Variants in RASAL2 observed in about 807,000 individuals in gnomAD.
RASAL2 encodes RAS protein activator like 2, also known as ras GTPase-activating protein nGAP.
Under a neutral mutation model 128.9 loss-of-function variants are expected in RASAL2, and 58 were observed. The observed-to-expected ratio is 0.45, with a 90% confidence interval of 0.36 to 0.56. RASAL2 has a LOEUF of 0.56. Among genes scored for constraint, RASAL2 ranks in the 20% least tolerant of loss-of-function variants. The probability of loss-of-function intolerance (pLI) is 0.00; values close to 1 mark genes in which losing one functional copy is unlikely to be tolerated. For synonymous variants in RASAL2, 561 were observed against 580.8 expected (o/e 0.97, Z 0.49); for missense variants, 1,360 against 1,601.6 (o/e 0.85, Z 2.57).
chr1:178,354,355 C>T (rs1275501181), intron 3 of RASAL2, among the ~76,000 whole-genome samples: 1 of 152,142 alleles, frequency 6.6e-6, no homozygotes, highest in Non-Finnish European at 1.5e-5. Context: ...TTTCTTTACT[C>T]TGATTAGTGA....
At chr1:178,291,134 A>G (rs970357427) in intron 2 of RASAL2, among the ~76,000 whole-genome samples, 15 of 152,212 alleles carry the variant, frequency 9.9e-5, no homozygotes, top group African/African-American at 3.6e-4. Context: ...ATGAGGAGAA[A>G]AAGAAGGGAA....
intron 5 of RASAL2, among the ~76,000 whole-genome samples, chr1:178,427,631 A>T (rs541777596): frequency 6.6e-6 from 1 of 152,274 alleles, no homozygotes; most frequent in African/African-American, 2.4e-5. Flanking sequence ...CAAAAATAGT[A>T]CATACAGTTC....
intron 11 of RASAL2, among the ~76,000 whole-genome samples, chr1:178,453,232 G>A (rs1483113991): frequency 6.6e-6 from 1 of 151,954 alleles, no homozygotes; most frequent in African/African-American, 2.4e-5. Flanking sequence ...GGGGGCAATG[G>A]GTGGAATTTA....
At chr1:178,318,246 G>C (rs1306600916) in intron 3 of RASAL2, among the ~76,000 whole-genome samples, 1 of 148,400 alleles carries the variant, frequency 6.7e-6, no homozygotes, top group South Asian at 2.2e-4. Context: ...GTGTGGTGTG[G>C]TGCTGAAAAA....
chr1:178,296,145 A>C (rs571823897), intron 2 of RASAL2, among the ~76,000 whole-genome samples: 3 of 127,986 alleles, frequency 2.3e-5, no homozygotes, highest in African/African-American at 1.4e-4. Context: ...ATGTGTGTGT[A>C]TATATGTGTA....
intron 6 of RASAL2, among the ~76,000 whole-genome samples, chr1:178,439,851 CA>C (rs1440510368): frequency 6.6e-6 from 1 of 152,062 alleles, no homozygotes; most frequent in African/African-American, 2.4e-5. Context: ...ACAAGACTAA[CA>C]ATAACATTAC....
At chr1:178,445,728 T>G in intron 9 of RASAL2, 66 bp downstream of exon 9, 2 of 1,452,128 alleles carry the variant, frequency 1.4e-6, no homozygotes, top group Non-Finnish European at 1.8e-6. Flanking sequence ...TTCACCCCCA[T>G]GAGACGAATT....
At chr1:178,454,749 C>G in intron 12 of RASAL2, 101 bp downstream of exon 12, 1 of 976,106 alleles carries the variant, frequency 1.0e-6, no homozygotes, top group Admixed American at 2.4e-5. Context: ...TTGAAAGCAA[C>G]TGTTTACCCT....
intron 1 of RASAL2, among the ~76,000 whole-genome samples, chr1:178,209,231 C>G (rs1210883524): frequency 6.6e-6 from 1 of 152,074 alleles, no homozygotes; most frequent in East Asian, 1.9e-4. Context: ...GTTGGTTGCT[C>G]TCTAGACCTG....
At chr1:178,450,078 T>C (rs867755092) in intron 9 of RASAL2, among the ~76,000 whole-genome samples, 2 of 152,152 alleles carry the variant, frequency 1.3e-5, no homozygotes, top group African/African-American at 2.4e-5. Flanking sequence ...GAGAACATAT[T>C]GACTACATAT....
chr1:178,288,887 G>A (rs780367859), intron 2 of RASAL2, among the ~76,000 whole-genome samples: 1 of 151,820 alleles, frequency 6.6e-6, no homozygotes, highest in Non-Finnish European at 1.5e-5. Flanking sequence ...CTCACCTCAG[G>A]TGATCCACCC....
chr1:178,319,773 T>G (rs1302702709), intron 3 of RASAL2, among the ~76,000 whole-genome samples: 1 of 152,198 alleles, frequency 6.6e-6, no homozygotes. Context: ...TTTGATCGTC[T>G]GAAGCCTTCT....
chr1:178,237,957 A>G (rs556747508), intron 1 of RASAL2, among the ~76,000 whole-genome samples: 1 of 152,336 alleles, frequency 6.6e-6, no homozygotes, highest in South Asian at 2.1e-4. Flanking sequence ...AGTACCTCAT[A>G]TAAGTGGAAT....
At chr1:178,239,322 A>C (rs1664392324) in intron 1 of RASAL2, among the ~76,000 whole-genome samples, 2 of 152,072 alleles carry the variant, frequency 1.3e-5, no homozygotes, top group African/African-American at 4.8e-5. Flanking sequence ...CATAAGAGTT[A>C]CTGTCAGCAT....
At chr1:178,351,548 A>C (rs190984624) in intron 3 of RASAL2, among the ~76,000 whole-genome samples, 2 of 152,106 alleles carry the variant, frequency 1.3e-5, no homozygotes, top group African/African-American at 4.8e-5. Flanking sequence ...TGGCTAACAC[A>C]GTGAAACCCC....
chr1:178,126,597 G>T (rs539463968), intron 1 of RASAL2, among the ~76,000 whole-genome samples: 12 of 152,158 alleles, frequency 7.9e-5, no homozygotes, highest in African/African-American at 2.4e-4. Flanking sequence ...TATTAAAATT[G>T]TCTCACTTAT....
chr1:178,323,570 G>T (rs910804742), intron 3 of RASAL2, among the ~76,000 whole-genome samples: 2 of 152,314 alleles, frequency 1.3e-5, no homozygotes, highest in East Asian at 3.9e-4. Context: ...CATTGTCCAA[G>T]TTAACAAGTC....
At chr1:178,457,497 A>G (rs938509996) in intron 13 of RASAL2, among the ~76,000 whole-genome samples, 186 bp from the exon 14 acceptor site, 1 of 152,220 alleles carries the variant, frequency 6.6e-6, no homozygotes, top group African/African-American at 2.4e-5. Context: ...TTTGGGGAAA[A>G]AGTAAAAATG....
In RASAL2 at chr1:178,214,716, G is replaced by A. The variant is rs576813362; in HGVS notation, c.203-68848G>A. 1.9e-3 allele frequency among the ~76,000 whole-genome samples: 286 copies of A among 152,086 alleles called. 2 individuals are homozygous for A. Among genetic ancestry groups the A allele is most frequent in the African/African-American group, 6.3e-3 (263 of 41,482 alleles). On this transcript the variant is annotated intron_variant, in intron 1 of 17. Transcript: ENST00000367649. ...TGGGACTACAGGTGCCTGCCACCAC[G>A]CTCGGCTAATTTTTTGTATTTTTAG...
Sources: gnomAD v4.1 joint callset for allele counts (sites outside exome capture counted in the v4.1 genomes callset) on GRCh38, gnomAD v4.1.1 for gene constraint, MANE v1.5 for transcripts, NCBI Gene and HGNC (gene_info 2026-07-23, HGNC 2026-07-21) for gene names.